SAMSN1: variants seen among roughly 807,000 people sequenced by gnomAD.
SAMSN1 encodes the protein SAM domain, SH3 domain and nuclear localization signals 1, also known as SAM domain-containing protein SAMSN-1.
A neutral mutation model predicts 42.0 loss-of-function variants in SAMSN1; 31 were observed. That is an observed-to-expected ratio of 0.74 (90% CI 0.55 to 1.00). The LOEUF (loss-of-function observed/expected upper bound fraction) is 1.00. Among genes scored for constraint, SAMSN1 ranks in the 50% least tolerant of loss-of-function variants. The pLI is 0.00. For missense variants in SAMSN1, 464 were observed against 439.4 expected (o/e 1.06, Z -0.50); for synonymous variants, 178 against 151.9 (o/e 1.17, Z -1.26).
At chr21:14,582,445 C>G (rs1176078461) in exon 2 of SAMSN1, 2 of 1,517,178 alleles carry the variant, frequency 1.3e-6, no homozygotes, top group South Asian at 1.2e-5. Flanking sequence ...TTTCTCGGGA[C>G]TTGGTTAATT....
At chr21:14,633,881 ACATAT>A (rs1983394469) in intron 2 of SAMSN1, among the ~76,000 whole-genome samples, 1 of 152,290 alleles carries the variant, frequency 6.6e-6, no homozygotes, top group East Asian at 1.9e-4. Flanking sequence ...ACTGTTGGAC[ACATAT>A]CATATTGTTT....
intron 6 of SAMSN1, among the ~76,000 whole-genome samples, chr21:14,499,437 G>A (rs1987044015): frequency 6.7e-6 from 1 of 149,866 alleles, no homozygotes; most frequent in Admixed American, 6.6e-5. Context: ...TAGAATAAGA[G>A]GAAGTCTAAA....
At chr21:14,613,280 A>G (rs192368400) in intron 3 of SAMSN1, among the ~76,000 whole-genome samples, 48 of 152,370 alleles carry the variant, frequency 3.2e-4, no homozygotes, top group Middle Eastern at 3.4e-3. Flanking sequence ...TATAACCATT[A>G]TGCAATCTCT....
chr21:14,563,365 G>A (rs1291253387), intron 2 of SAMSN1, among the ~76,000 whole-genome samples: 3 of 152,104 alleles, frequency 2.0e-5, no homozygotes, highest in Admixed American at 6.6e-5. Context: ...AATTTAACAT[G>A]ACTTCACTTT....
chr21:14,652,617 A>G (rs532092243), intron 1 of SAMSN1, among the ~76,000 whole-genome samples: 8 of 152,080 alleles, frequency 5.3e-5, no homozygotes, highest in African/African-American at 1.9e-4. Context: ...TCTTCAAGAC[A>G]TTGGTCTGGG....
At chr21:14,503,361 A>G (rs1188077822) in intron 5 of SAMSN1, among the ~76,000 whole-genome samples, 1 of 152,180 alleles carries the variant, frequency 6.6e-6, no homozygotes, top group African/African-American at 2.4e-5. Context: ...GTTGATATCC[A>G]GCAAGAAAAT....
intron 1 of SAMSN1, among the ~76,000 whole-genome samples, chr21:14,658,530 T>TAATA (rs1983951051): frequency 6.6e-6 from 1 of 151,952 alleles, no homozygotes; most frequent in African/African-American, 2.4e-5. Context: ...TAATAGTAAT[T>TAATA]GTTGCAGAAC....
intron 2 of SAMSN1, among the ~76,000 whole-genome samples, chr21:14,577,713 G>T (rs1003182414): frequency 1.3e-5 from 2 of 152,006 alleles, no homozygotes; most frequent in Admixed American, 1.3e-4. Context: ...TGGTCACCTC[G>T]ACTATTCCCT....
chr21:14,578,537 G>A (rs867970136), intron 2 of SAMSN1, among the ~76,000 whole-genome samples: 6 of 151,988 alleles, frequency 3.9e-5, no homozygotes, highest in Middle Eastern at 3.4e-3. Flanking sequence ...ACAAAAATAA[G>A]CCGGGCATGG....
At chr21:14,545,878 TA>T (rs1265369643) in intron 1 of SAMSN1, among the ~76,000 whole-genome samples, 1 of 152,192 alleles carries the variant, frequency 6.6e-6, no homozygotes, top group Admixed American at 6.5e-5. Context: ...TCATAGTCAT[TA>T]AAAACATGCA....
intron 4 of SAMSN1, among the ~76,000 whole-genome samples, chr21:14,609,743 C>T (rs942283208): frequency 3.9e-5 from 6 of 152,106 alleles, no homozygotes; most frequent in Admixed American, 6.5e-5. Context: ...ACGGAGGGAC[C>T]GGCTGAAGCC....
intron 7 of SAMSN1, 45 bp downstream of exon 7, chr21:14,498,397 T>G: frequency 6.5e-7 from 1 of 1,538,398 alleles, no homozygotes; most frequent in Non-Finnish European, 8.8e-7. Context: ...CTATTTACAT[T>G]AAACTGATTA....
chr21:14,551,859 T>C (rs1316483382), intron 2 of SAMSN1, among the ~76,000 whole-genome samples: 1 of 152,044 alleles, frequency 6.6e-6, no homozygotes, highest in Non-Finnish European at 1.5e-5. Context: ...AGCTAGGAAG[T>C]GGTGGAGTCA....
chr21:14,644,462 G>A (rs1426292960), intron 1 of SAMSN1, among the ~76,000 whole-genome samples: 1 of 152,078 alleles, frequency 6.6e-6, no homozygotes, highest in Non-Finnish European at 1.5e-5. Context: ...TTCAGTCCTG[G>A]CAGTATTCAT....
upstream of SAMSN1, chr21:14,583,697 G>A (rs1231597475): frequency 1.4e-6 from 1 of 717,410 alleles, no homozygotes; most frequent in African/African-American, 1.7e-5. Flanking sequence ...CTGCACTCTG[G>A]CTTTCTTAGT....
chr21:14,535,069 G>C (rs578200465), intron 1 of SAMSN1, among the ~76,000 whole-genome samples: 1 of 152,190 alleles, frequency 6.6e-6, no homozygotes, highest in East Asian at 1.9e-4. Context: ...GTATGAGAGT[G>C]GTCAGATCAT....
At chr21:14,513,619 T>C (rs779148155) in intron 3 of SAMSN1, among the ~76,000 whole-genome samples, 2 of 151,930 alleles carry the variant, frequency 1.3e-5, no homozygotes, top group Non-Finnish European at 2.9e-5. Flanking sequence ...TAAAACTGGG[T>C]GATGTGAGAG....
intron 2 of SAMSN1, among the ~76,000 whole-genome samples, chr21:14,621,241 AGAC>A (rs1343151646): frequency 6.6e-6 from 1 of 152,236 alleles, no homozygotes; most frequent in African/African-American, 2.4e-5. Context: ...GTGACACAGA[AGAC>A]GGGTGATTTC....
Position 14,564,932 on chromosome 21 carries a change from C to G in SAMSN1, c.261+17204G>C, listed in dbSNP as rs1168847447. On this transcript the variant is annotated intron_variant, in intron 2 of 8. Transcript: ENST00000285670. Reference sequence around the variant, plus strand: ...TTCAGGAATCAAAGGGATGGAGAAGCAACTGAAATTGAGCAGAGGGGCAAC... The same window carrying G: ...TTCAGGAATCAAAGGGATGGAGAAGGAACTGAAATTGAGCAGAGGGGCAAC... Among the ~76,000 whole-genome samples, 4 of 151,984 alleles carry G rather than the reference C, an allele frequency of 2.6e-5. No individual in the cohort carries two copies. In the East Asian group the frequency reaches 7.7e-4, roughly 29 times the overall value.
Sources: allele counts gnomAD v4.1 joint callset (sites outside exome capture counted in the v4.1 genomes callset), GRCh38; gene constraint gnomAD v4.1.1; transcripts MANE v1.5; gene names NCBI Gene and HGNC (gene_info 2026-07-23, HGNC 2026-07-21).